The following FOXP1 variants were observed in gnomAD, a reference collection of about 807,000 sequenced individuals.
FOXP1 encodes forkhead box protein P1.
In FOXP1, 15 loss-of-function variants were observed where a neutral mutation model predicts 98.2. That is an observed-to-expected ratio of 0.15 (90% confidence interval 0.10 to 0.24). The LOEUF (loss-of-function observed/expected upper bound fraction) is 0.24, where lower values mean the gene tolerates loss of function less well. Among genes scored for constraint, FOXP1 ranks in the 10% least tolerant of loss-of-function variants. FOXP1 has a pLI of 1.00. For synonymous variants in FOXP1, 371 were observed against 314.5 expected (o/e 1.18, Z -1.90); for missense variants, 633 against 848.5 (o/e 0.75, Z 3.15).
At chr3:71,418,428 T>C (rs912173821) in intron 3 of FOXP1, among the ~76,000 whole-genome samples, 2 of 152,204 alleles carry the variant, frequency 1.3e-5, no homozygotes, top group East Asian at 3.9e-4. Context: ...TTTTCCCTCA[T>C]GGGCTCCATA....
At chr3:71,146,281 T>G (rs770092115) in intron 6 of FOXP1, among the ~76,000 whole-genome samples, 1 of 152,190 alleles carries the variant, frequency 6.6e-6, no homozygotes, top group African/African-American at 2.4e-5. Flanking sequence ...GCTATTTGTA[T>G]GGCAAGATAA....
At chr3:71,405,058 G>A (rs942844326) in intron 3 of FOXP1, among the ~76,000 whole-genome samples, 2 of 152,156 alleles carry the variant, frequency 1.3e-5, no homozygotes, top group Non-Finnish European at 1.5e-5. Context: ...GCACCAGCAC[G>A]CAGCCACCAA....
At chr3:71,570,039 C>T (rs1394759765) in intron 2 of FOXP1, among the ~76,000 whole-genome samples, 1 of 152,090 alleles carries the variant, frequency 6.6e-6, no homozygotes, top group Non-Finnish European at 1.5e-5. Context: ...GCCTCAGTCT[C>T]CACTTTCAAC....
intron 2 of FOXP1, among the ~76,000 whole-genome samples, chr3:71,548,637 A>T (rs2045547974): frequency 1.3e-5 from 2 of 151,514 alleles, no homozygotes; most frequent in Admixed American, 1.3e-4. Flanking sequence ...GAGCTCAGAC[A>T]CTCCTCCTGC....
At chr3:71,024,435 G>GGTCCT in intron 11 of FOXP1, among the ~76,000 whole-genome samples, 1 of 152,192 alleles carries the variant, frequency 6.6e-6, no homozygotes, top group Admixed American at 6.5e-5. Context: ...GTTGACAATG[G>GGTCCT]GTCCTGTAAT....
In FOXP1 at chr3:70,967,705, T is replaced by TGTTG. The variant is rs71626397; in HGVS notation, c.1723-1650_1723-1649insCAAC. On this transcript the variant is annotated intron_variant, in intron 19 of 20. Coordinates refer to ENST00000649528, the MANE Select transcript of FOXP1 (RefSeq NM_001349338.3). The stretch of plus-strand genomic sequence containing the variant: ...ATTATTTGTTTTTTTTTTTTGTTTT[T>TGTTG]TTTTGTTTTTTTTTTTTTTTTTTGC... 5.4e-4 allele frequency among the ~76,000 whole-genome samples: 55 copies of TGTTG among 102,542 alleles called. 2 individuals carry two copies. Among genetic ancestry groups the TGTTG allele is most frequent in the Non-Finnish European group, 7.7e-4 (42 of 54,694 alleles). The allele number at this position is 102,542 out of a possible 152,430, so 67.3% of individuals were successfully genotyped here. A position where few individuals can be genotyped will look rare whatever the true frequency, so the allele number is the denominator to read the frequency against.
At chr3:71,016,675 AC>A (rs1392441764) in intron 11 of FOXP1, among the ~76,000 whole-genome samples, 13 of 151,660 alleles carry the variant, frequency 8.6e-5, no homozygotes, top group African/African-American at 3.1e-4. Context: ...ACACACACAC[AC>A]ACACACACAC....
intron 4 of FOXP1, among the ~76,000 whole-genome samples, chr3:71,358,790 C>T (rs1016025976): frequency 3.3e-5 from 5 of 152,228 alleles, no homozygotes; most frequent in African/African-American, 4.8e-5. Context: ...CACCCCTTTG[C>T]TTGTATATTA....
chr3:71,280,905 T>C (rs779837522), intron 5 of FOXP1, among the ~76,000 whole-genome samples: 1 of 151,912 alleles, frequency 6.6e-6, no homozygotes, highest in Non-Finnish European at 1.5e-5. Flanking sequence ...TTAAACTGCA[T>C]GCATTTCTGA....
intron 2 of FOXP1, among the ~76,000 whole-genome samples, chr3:71,525,246 T>A (rs984001602): frequency 2.6e-5 from 4 of 152,278 alleles, no homozygotes; most frequent in South Asian, 4.1e-4. Context: ...GATAAAAAAA[T>A]TAGCTTTAGG....
intron 16 of FOXP1, 133 bp from the exon 17 acceptor site, chr3:70,977,175 G>A: frequency 1.5e-6 from 1 of 682,454 alleles, no homozygotes; most frequent in South Asian, 1.6e-5. Context: ...AATGATCTAA[G>A]ATTAATGGTT....
chr3:71,396,918 GTATATA>G (rs1157468185), intron 3 of FOXP1, among the ~76,000 whole-genome samples: 2 of 56,702 alleles, frequency 3.5e-5, no homozygotes, highest in South Asian at 4.5e-4. Context: ...ATATATGTGT[GTATATA>G]TATATATATA....
upstream of FOXP1, chr3:71,583,773 C>T: frequency 7.1e-6 from 7 of 986,412 alleles, no homozygotes; most frequent in South Asian, 3.2e-4. Flanking sequence ...TTCCTCCGCT[C>T]CGGACTAGCT....
chr3:71,189,327 A>T (rs959922105), intron 6 of FOXP1, among the ~76,000 whole-genome samples: 2 of 152,234 alleles, frequency 1.3e-5, no homozygotes, highest in African/African-American at 2.4e-5. Flanking sequence ...CAATGGGAAC[A>T]CAAGCATTTT....
At chr3:71,352,781 G>A (rs1460997199) in intron 4 of FOXP1, among the ~76,000 whole-genome samples, 1 of 152,066 alleles carries the variant, frequency 6.6e-6, no homozygotes, top group Non-Finnish European at 1.5e-5. Context: ...ATTTTTTAGG[G>A]TTAGATTTTT....
At chr3:71,410,291 C>A (rs1361483944) in intron 3 of FOXP1, among the ~76,000 whole-genome samples, 1 of 152,182 alleles carries the variant, frequency 6.6e-6, no homozygotes, top group African/African-American at 2.4e-5. Flanking sequence ...AATCAGAGAT[C>A]TTTTGATATT....
rs556632044 is a variant in FOXP1, at chr3:71,226,932, C to G, written c.-11-28540G>C. 6.2e-4 allele frequency among the ~76,000 whole-genome samples: 94 copies of G among 152,296 alleles called. No homozygotes were observed. The South Asian group carries it at 6.2e-3, about 10-fold the overall frequency. ...AAGCACGCAGGATGTCAGACGGCAG[C>G]TGACAGTCCCCTCTGATGACAGGGC... is the stretch of plus-strand genomic sequence containing the variant. On this transcript the variant is annotated intron_variant, in intron 5 of 20. Transcript: ENST00000649528.
At chr3:71,185,790 T>C (rs2062610757) in intron 6 of FOXP1, among the ~76,000 whole-genome samples, 1 of 152,192 alleles carries the variant, frequency 6.6e-6, no homozygotes, top group Admixed American at 6.5e-5. Context: ...CAAACCCATA[T>C]AGTTCAGTGT....
At chr3:71,205,207 A>T (rs1406796971) in intron 5 of FOXP1, among the ~76,000 whole-genome samples, 1 of 152,192 alleles carries the variant, frequency 6.6e-6, no homozygotes, top group Non-Finnish European at 1.5e-5. Context: ...CACCCAATTA[A>T]TTTCCGAATT....
Sources: gnomAD v4.1 joint callset for allele counts (sites outside exome capture counted in the v4.1 genomes callset) on GRCh38, gnomAD v4.1.1 for gene constraint, MANE v1.5 for transcripts, NCBI Gene and HGNC (gene_info 2026-07-23, HGNC 2026-07-21) for gene names.